Variants in SEMA3C observed in about 807,000 individuals in gnomAD.
SEMA3C encodes semaphorin-3C.
In SEMA3C, 47 loss-of-function variants were observed where a neutral mutation model predicts 89.4. The observed-to-expected ratio is 0.53, with a 90% CI of 0.42 to 0.67. The LOEUF (loss-of-function observed/expected upper bound fraction) is 0.67, where lower values mean the gene tolerates loss of function less well. SEMA3C is among the 30% of genes least tolerant of loss of function. The probability of loss-of-function intolerance (pLI) is 0.00; values close to 1 mark genes in which losing one functional copy is unlikely to be tolerated. For synonymous variants in SEMA3C, 310 were observed against 320.2 expected (o/e 0.97, Z 0.34); for missense variants, 839 against 929.1 (o/e 0.90, Z 1.26).
chr7:80,874,660 G>C (rs532037465), intron 2 of SEMA3C, among the ~76,000 whole-genome samples: 36 of 151,856 alleles, frequency 2.4e-4, no homozygotes, highest in African/African-American at 7.5e-4. Context: ...TAGAGACAGG[G>C]TTTCACCAGG....
intron 1 of SEMA3C, 72 bp from the exon 2 acceptor site, chr7:80,916,891 G>T: frequency 8.0e-7 from 1 of 1,245,264 alleles, no homozygotes; most frequent in Non-Finnish European, 1.1e-6. Context: ...CAGCAATCTA[G>T]ACAAAACACC....
At chr7:80,836,142 C>T (rs928896594) in intron 2 of SEMA3C, among the ~76,000 whole-genome samples, 1 of 152,084 alleles carries the variant, frequency 6.6e-6, no homozygotes, top group African/African-American at 2.4e-5. Context: ...CTAAACAACT[C>T]GAGAACTATC....
At chr7:80,856,075 G>A (rs984006543) in intron 2 of SEMA3C, among the ~76,000 whole-genome samples, 2 of 151,892 alleles carry the variant, frequency 1.3e-5, no homozygotes, top group African/African-American at 4.8e-5. Flanking sequence ...ATTAGCAAAG[G>A]AATTTTTTAT....
chr7:80,787,384 T>G (rs1221616057), intron 12 of SEMA3C, among the ~76,000 whole-genome samples: 1 of 95,424 alleles, frequency 1.0e-5, no homozygotes, highest in Admixed American at 1.5e-4. Context: ...AGAGCAAGAC[T>G]CCGTTTAAAA....
Position 80,802,657 on chromosome 7 carries a change from G to C in SEMA3C, c.916+8C>G. 1 of 1,586,368 alleles carries C rather than the reference G, an allele frequency of 6.3e-7. No individual in the cohort carries two copies. The highest frequency in any genetic ancestry group is 8.7e-7 in the Non-Finnish European group (1 of 1,154,962). ...TCAGAAGCATTTTTCAATCTCATATGTATGTACCTAATTCATCAAAGTGTG... is the reference window on the plus strand; with the variant it reads ...TCAGAAGCATTTTTCAATCTCATATCTATGTACCTAATTCATCAAAGTGTG... On this transcript the variant is annotated splice_region_variant and intron_variant, in intron 9 of 17. Transcript: ENST00000265361.
rs138456462 is a variant in SEMA3C, at chr7:80,783,016, A to G, written c.1354+6290T>C. 5.9e-3 allele frequency among the ~76,000 whole-genome samples: 896 copies of G among 152,264 alleles called. 8 individuals are homozygous for G. The highest frequency in any genetic ancestry group is 0.021 in the African/African-American group (861 of 41,546). On this transcript the variant is annotated intron_variant, in intron 12 of 17. Coordinates refer to ENST00000265361, the MANE Select transcript of SEMA3C (RefSeq NM_006379.5). ...TTTGAGCAGACTAGAACCAATTATC[A>G]TATATATTAACATATATATGACACA...
At chr7:80,801,413 A>G (rs1789204903) in intron 9 of SEMA3C, among the ~76,000 whole-genome samples, 1 of 152,056 alleles carries the variant, frequency 6.6e-6, no homozygotes, top group Non-Finnish European at 1.5e-5. Context: ...CCTCTAACAA[A>G]AAGATGTTTA....
intron 2 of SEMA3C, among the ~76,000 whole-genome samples, chr7:80,898,645 T>C (rs1791798615): frequency 6.6e-6 from 1 of 152,028 alleles, no homozygotes; most frequent in South Asian, 2.1e-4. Context: ...CCATAATCAC[T>C]CTGTATTGAG....
chr7:80,787,895 T>A (rs1788840627), intron 12 of SEMA3C, among the ~76,000 whole-genome samples: 1 of 152,136 alleles, frequency 6.6e-6, no homozygotes, highest in African/African-American at 2.4e-5. Flanking sequence ...TAGTGAAAAC[T>A]CAGATATGTC....
At chr7:80,809,121 G>T (rs1015305873) in intron 6 of SEMA3C, among the ~76,000 whole-genome samples, 1 of 152,122 alleles carries the variant, frequency 6.6e-6, no homozygotes, top group Non-Finnish European at 1.5e-5. Context: ...AGAGAATGTT[G>T]TTTAAGTGAG....
rs144845063 is a variant in SEMA3C, at chr7:80,849,282, T to C, written c.104-20537A>G. Among the ~76,000 whole-genome samples, 109 of 151,224 alleles carry C rather than the reference T, an allele frequency of 7.2e-4. 1 individual carries two copies. The highest frequency in any genetic ancestry group is 2.6e-3 in the African/African-American group (108 of 41,548). On this transcript the variant is annotated intron_variant, in intron 2 of 17. Coordinates refer to ENST00000265361, the MANE Select transcript of SEMA3C (RefSeq NM_006379.5). ...CACCTACAATTTCAAACCCAACAAGTAGCAACACTAAGTTTTAGCAACAGT... is the reference window on the plus strand; with the variant it reads ...CACCTACAATTTCAAACCCAACAAGCAGCAACACTAAGTTTTAGCAACAGT...
chr7:80,915,090 A>T (rs1428610991), intron 2 of SEMA3C, among the ~76,000 whole-genome samples: 3 of 152,220 alleles, frequency 2.0e-5, no homozygotes, highest in Non-Finnish European at 4.4e-5. Flanking sequence ...ATCTCTATAT[A>T]TACTAGGAGA....
intron 2 of SEMA3C, among the ~76,000 whole-genome samples, chr7:80,844,451 T>TA (rs1237215640): frequency 2.0e-5 from 3 of 152,172 alleles, no homozygotes; most frequent in Non-Finnish European, 4.4e-5. Context: ...GCTTGACACT[T>TA]ACTTGTTTTA....
At chr7:80,855,066 A>G (rs988709964) in intron 2 of SEMA3C, among the ~76,000 whole-genome samples, 3 of 152,206 alleles carry the variant, frequency 2.0e-5, no homozygotes, top group Admixed American at 1.3e-4. Context: ...TTATATTCAT[A>G]AGCAATATTT....
chr7:80,752,614 CAAAAAA>C (rs10660428), intron 15 of SEMA3C, among the ~76,000 whole-genome samples: 1 of 111,336 alleles, frequency 9.0e-6, no homozygotes. Flanking sequence ...GACTCCATCT[CAAAAAA>C]AAAAAAAAAA....
At chr7:80,850,578 A>T (rs12707039) in intron 2 of SEMA3C, among the ~76,000 whole-genome samples, 7 of 152,050 alleles carry the variant, frequency 4.6e-5, no homozygotes, top group Non-Finnish European at 8.8e-5. Flanking sequence ...TGGTCATAGA[A>T]GTAATCCTGG....
At chr7:80,903,490 C>T (rs753558764) in intron 2 of SEMA3C, among the ~76,000 whole-genome samples, 4 of 152,018 alleles carry the variant, frequency 2.6e-5, no homozygotes, top group East Asian at 1.9e-4. Flanking sequence ...GTGAAACCCC[C>T]GTCTCTACTA....
chr7:80,813,562 T>C (rs1278941405), intron 5 of SEMA3C, among the ~76,000 whole-genome samples: 2 of 152,226 alleles, frequency 1.3e-5, no homozygotes, highest in Non-Finnish European at 2.9e-5. Context: ...AATATTATAT[T>C]GATATATCCA....
chr7:80,795,136 A>T (rs1341082054), intron 11 of SEMA3C, among the ~76,000 whole-genome samples: 2 of 152,122 alleles, frequency 1.3e-5, no homozygotes, highest in Non-Finnish European at 2.9e-5. Context: ...TTAACCTTAG[A>T]GAAGAGAGAA....
Sources: gnomAD v4.1 joint callset for allele counts (sites outside exome capture counted in the v4.1 genomes callset) on GRCh38, gnomAD v4.1.1 for gene constraint, MANE v1.5 for transcripts, NCBI Gene and HGNC (gene_info 2026-07-23, HGNC 2026-07-21) for gene names.